The following ATP8A1 variants were observed in gnomAD, a reference collection of about 807,000 sequenced individuals.
ATP8A1 encodes ATPase phospholipid transporting 8A1.
A neutral mutation model predicts 177.7 loss-of-function variants in ATP8A1; 90 were observed. The ratio of observed to expected loss-of-function variants is 0.51; its 90% CI spans 0.43 to 0.60. The LOEUF (loss-of-function observed/expected upper bound fraction) is 0.60, where lower values mean the gene tolerates loss of function less well. Ranked by LOEUF, ATP8A1 falls within the 20% of genes least tolerant of loss-of-function variation. ATP8A1 has a pLI of 0.00. For synonymous variants in ATP8A1, 493 were observed against 485.9 expected (o/e 1.01, Z -0.19); for missense variants, 1,072 against 1,392.8 (o/e 0.77, Z 3.67).
intron 1 of ATP8A1, among the ~76,000 whole-genome samples, chr4:42,649,733 TG>T (rs1740899338): frequency 6.6e-6 from 1 of 152,162 alleles, no homozygotes; most frequent in Non-Finnish European, 1.5e-5. Flanking sequence ...AACGCTCCTT[TG>T]GGGTGCTAAG....
chr4:42,536,719 G>C (rs952231358), intron 20 of ATP8A1, among the ~76,000 whole-genome samples: 3 of 152,182 alleles, frequency 2.0e-5, no homozygotes, highest in African/African-American at 7.2e-5. Flanking sequence ...ACTGAATCCA[G>C]CAGCATATCA....
At chr4:42,435,416 G>T (rs1312918953) in intron 33 of ATP8A1, among the ~76,000 whole-genome samples, 7 of 109,206 alleles carry the variant, frequency 6.4e-5, no homozygotes, top group Non-Finnish European at 1.2e-4. Flanking sequence ...ACAAGAGCGA[G>T]ACTTCATCTC....
chr4:42,482,796 G>T (rs1204564561), intron 25 of ATP8A1, among the ~76,000 whole-genome samples: 1 of 152,082 alleles, frequency 6.6e-6, no homozygotes, highest in East Asian at 1.9e-4. Context: ...CTCCACCTAG[G>T]GCTAAAGAGA....
At chr4:42,556,378 CATA>C (rs1055436982) in intron 15 of ATP8A1, 9 of 176,326 alleles carry the variant, frequency 5.1e-5, no homozygotes, top group Middle Eastern at 2.3e-3. Context: ...CTTCCACTTC[CATA>C]ATATTTTCAA....
At chr4:42,453,196 C>T (rs1021109201) in intron 29 of ATP8A1, among the ~76,000 whole-genome samples, 6 of 152,176 alleles carry the variant, frequency 3.9e-5, no homozygotes, top group East Asian at 1.9e-4. Context: ...TCAGAACCTC[C>T]GACCCTTTTT....
intron 25 of ATP8A1, among the ~76,000 whole-genome samples, chr4:42,469,214 C>G (rs1720129377): frequency 6.6e-6 from 1 of 152,118 alleles, no homozygotes. Context: ...AATTTTTACT[C>G]AGTTATTTGA....
In ATP8A1 at chr4:42,499,790, A is replaced by G. The variant is rs528464258; in HGVS notation, c.2151+3660T>C. Reference sequence around the variant, plus strand: ...TCCAGAACTGTTTCAGTGCATTTCGAAAGAGTTTAATTAGAAACTGGGAGC... The same window carrying G: ...TCCAGAACTGTTTCAGTGCATTTCGGAAGAGTTTAATTAGAAACTGGGAGC... On this transcript the variant is annotated intron_variant, in intron 24 of 36. Coordinates refer to ENST00000381668, the MANE Select transcript of ATP8A1 (RefSeq NM_006095.2). 4.6e-5 allele frequency among the ~76,000 whole-genome samples: 7 copies of G among 152,346 alleles called. No homozygotes were observed. The South Asian group carries it at 1.2e-3, about 27-fold the overall frequency.
At chr4:42,575,729 A>G (rs1264113912) in intron 12 of ATP8A1, 30 bp from the exon 13 acceptor site, 6 of 1,557,982 alleles carry the variant, frequency 3.9e-6, no homozygotes, top group Non-Finnish European at 5.3e-6. Context: ...ATCATTGAAC[A>G]CAACTGGTAA....
At chr4:42,466,579 T>C (rs1440679709) in intron 25 of ATP8A1, among the ~76,000 whole-genome samples, 1 of 152,248 alleles carries the variant, frequency 6.6e-6, no homozygotes, top group Admixed American at 6.5e-5. Flanking sequence ...TTTGTATTTT[T>C]AGTGCCTGAT....
At chr4:42,454,393 G>A (rs925714226) in intron 29 of ATP8A1, among the ~76,000 whole-genome samples, 10 of 152,190 alleles carry the variant, frequency 6.6e-5, no homozygotes, top group African/African-American at 2.4e-4. Context: ...TCAAGATTCT[G>A]AGTTAAGGTT....
chr4:42,469,415 A>C (rs571286199), intron 25 of ATP8A1, among the ~76,000 whole-genome samples: 1 of 152,256 alleles, frequency 6.6e-6, no homozygotes, highest in South Asian at 2.1e-4. Context: ...GTAGGGAAGG[A>C]ATGTGGCTGA....
intron 25 of ATP8A1, among the ~76,000 whole-genome samples, chr4:42,482,697 T>C (rs1721815692): frequency 6.6e-6 from 1 of 152,184 alleles, no homozygotes; most frequent in Admixed American, 6.5e-5. Context: ...TGATAGTATC[T>C]GGGAAGAAAG....
intron 19 of ATP8A1, among the ~76,000 whole-genome samples, chr4:42,544,384 TA>T (rs1728688570): frequency 6.6e-6 from 1 of 152,220 alleles, no homozygotes; most frequent in Admixed American, 6.5e-5. Flanking sequence ...CAATTGTTAT[TA>T]AAAATACAAA....
intron 24 of ATP8A1, among the ~76,000 whole-genome samples, chr4:42,488,547 T>C (rs1053967406): frequency 6.6e-6 from 1 of 152,236 alleles, no homozygotes; most frequent in African/African-American, 2.4e-5. Flanking sequence ...CATCTCTTTA[T>C]AAAACAAATT....
chr4:42,577,892 G>C (rs1454069384), intron 12 of ATP8A1, among the ~76,000 whole-genome samples: 1 of 152,126 alleles, frequency 6.6e-6, no homozygotes, highest in Non-Finnish European at 1.5e-5. Flanking sequence ...ATGTAGGTAA[G>C]GCATATTATC....
At chr4:42,595,823 T>C (rs1256785621) in intron 6 of ATP8A1, among the ~76,000 whole-genome samples, 8 of 152,350 alleles carry the variant, frequency 5.3e-5, no homozygotes, top group East Asian at 1.9e-4. Flanking sequence ...AAATCCCTAA[T>C]TGATTGTGCT....
At chr4:42,467,318 A>G (rs954705356) in intron 25 of ATP8A1, among the ~76,000 whole-genome samples, 5 of 152,212 alleles carry the variant, frequency 3.3e-5, no homozygotes, top group Non-Finnish European at 5.9e-5. Context: ...AAGAAAAAAG[A>G]AAATGATATA....
chr4:42,441,292 T>C (rs1716613705), intron 33 of ATP8A1, among the ~76,000 whole-genome samples: 1 of 152,176 alleles, frequency 6.6e-6, no homozygotes, highest in Non-Finnish European at 1.5e-5. Flanking sequence ...CAATTATGTA[T>C]ATGCCTACAG....
intron 27 of ATP8A1, among the ~76,000 whole-genome samples, chr4:42,459,881 TC>T (rs1718909877): frequency 6.6e-6 from 1 of 152,038 alleles, no homozygotes; most frequent in African/African-American, 2.4e-5. Flanking sequence ...AAGCTCCACC[TC>T]CCGGGTTCAC....
Sources: allele counts gnomAD v4.1 joint callset (sites outside exome capture counted in the v4.1 genomes callset), GRCh38; gene constraint gnomAD v4.1.1; transcripts MANE v1.5; gene names NCBI Gene and HGNC (gene_info 2026-07-23, HGNC 2026-07-21).